The following ANKAR variants were observed in gnomAD, a reference collection of about 807,000 sequenced individuals.
The protein encoded by ANKAR is ankyrin and armadillo repeat-containing protein.
Under a neutral mutation model 146.2 loss-of-function variants are expected in ANKAR, and 136 were observed. The observed-to-expected ratio is 0.93, with a 90% CI of 0.81 to 1.07. The LOEUF is 1.07. ANKAR is among the 50% of genes least tolerant of loss of function. The probability of loss-of-function intolerance (pLI) is 0.00; values close to 1 mark genes in which losing one functional copy is unlikely to be tolerated. For missense variants in ANKAR, 1,567 were observed against 1,679.9 expected (o/e 0.93, Z 1.18); for synonymous variants, 500 against 575.8 (o/e 0.87, Z 1.88).
chr2:189,744,257 A>C (rs2043748656), intron 21 of ANKAR, among the ~76,000 whole-genome samples: 1 of 152,218 alleles, frequency 6.6e-6, no homozygotes, highest in Non-Finnish European at 1.5e-5. Flanking sequence ...TTCTTTGAAA[A>C]GCCGAAAGTC....
At chr2:189,704,670 A>G (rs2105652462) in intron 7 of ANKAR, among the ~76,000 whole-genome samples, 1 of 146,164 alleles carries the variant, frequency 6.8e-6, no homozygotes, top group East Asian at 2.0e-4. Context: ...GAAATAGTTT[A>G]CCATAAGACT....
chr2:189,696,188 G>A lies in ANKAR; in HGVS notation c.1527G>A (p.Gly509=), dbSNP rs752717367. The A allele has an allele frequency of 6.2e-7, 1 of 1,613,990 alleles. No individual in the cohort carries two copies. The highest frequency in any genetic ancestry group is 1.1e-5 in the South Asian group (1 of 91,080). ...PFGMKSAVER[G]LSAVFHTFSR... Reference sequence around the variant, plus strand: ...GTATGAAGTCCGCTGTTGAAAGAGGGTTGTCTGCAGTTTTCCACACATTTA... The same window carrying A: ...GTATGAAGTCCGCTGTTGAAAGAGGATTGTCTGCAGTTTTCCACACATTTA... Residue 509 remains glycine (G), a synonymous_variant, in exon 7 of 23, where the codon GGG becomes GGA. Transcript: ENST00000684021.
At chr2:189,686,088 A>G (rs1201876364) in intron 2 of ANKAR, among the ~76,000 whole-genome samples, 1 of 152,066 alleles carries the variant, frequency 6.6e-6, no homozygotes, top group South Asian at 2.1e-4. Flanking sequence ...GGCTTTTTAG[A>G]CTTCTTTAAA....
chr2:189,732,957 C>T lies in ANKAR; in HGVS notation c.3301-150C>T, dbSNP rs1055544935. 3.9e-5 allele frequency: 28 copies of T among 721,796 alleles called. No homozygotes were observed. In the East Asian group the frequency reaches 5.0e-4, roughly 13 times the overall value. The allele number at this position is 721,796 out of a possible 1,614,324, so 44.7% of individuals were successfully genotyped here. On this transcript the variant is annotated intron_variant, in intron 16 of 22. Coordinates refer to ENST00000684021, the MANE Select transcript of ANKAR (RefSeq NM_001378068.1). ...GAGGGAGTTGTAAGTGCAGTTCTTT[C>T]GCTAGTAAGATAACTGGAATCAATG...
chr2:189,689,444 A>C, intron 2 of ANKAR, 83 bp from the exon 3 acceptor site: 1 of 1,153,278 alleles, frequency 8.7e-7, no homozygotes, highest in Non-Finnish European at 1.2e-6. Context: ...TCATGATAAA[A>C]TCCTGTGTTC....
intron 10 of ANKAR, among the ~76,000 whole-genome samples, chr2:189,714,468 C>T (rs1268704208): frequency 1.3e-5 from 2 of 152,166 alleles, no homozygotes; most frequent in African/African-American, 4.8e-5. Context: ...CACTCAAAAC[C>T]ACACAACTAC....
At chr2:189,745,862 G>T (rs1423796135) in intron 22 of ANKAR, among the ~76,000 whole-genome samples, 1 of 152,136 alleles carries the variant, frequency 6.6e-6, no homozygotes, top group Non-Finnish European at 1.5e-5. Flanking sequence ...AATATCATGG[G>T]TAGAAAAGCA....
intron 12 of ANKAR, among the ~76,000 whole-genome samples, chr2:189,726,341 G>A (rs2041874674): frequency 1.3e-5 from 2 of 152,054 alleles, no homozygotes; most frequent in African/African-American, 2.4e-5. Context: ...TTGAAATGAG[G>A]TTGCTATGTT....
intron 19 of ANKAR, among the ~76,000 whole-genome samples, chr2:189,740,851 G>A (rs182969405): frequency 3.3e-5 from 5 of 151,978 alleles, no homozygotes; most frequent in Non-Finnish European, 7.4e-5. Flanking sequence ...GTACCACCAC[G>A]CCCGGCTAAT....
chr2:189,688,581 A>C (rs2035948448), intron 2 of ANKAR, among the ~76,000 whole-genome samples: 1 of 152,224 alleles, frequency 6.6e-6, no homozygotes, highest in African/African-American at 2.4e-5. Flanking sequence ...CCATTCTGAC[A>C]GGCATTTCGA....
intron 3 of ANKAR, 53 bp downstream of exon 3, chr2:189,690,017 T>C: frequency 6.9e-6 from 9 of 1,295,564 alleles, no homozygotes; most frequent in Non-Finnish European, 9.1e-6. Flanking sequence ...ATTAAATATA[T>C]GTTTAAATGC....
At chr2:189,745,929 G>C (rs2044087589) in intron 22 of ANKAR, among the ~76,000 whole-genome samples, 1 of 152,056 alleles carries the variant, frequency 6.6e-6, no homozygotes, top group Non-Finnish European at 1.5e-5. Flanking sequence ...AGAATAGTCA[G>C]TTCACTCTTC....
intron 7 of ANKAR, among the ~76,000 whole-genome samples, chr2:189,698,455 G>A (rs2037569384): frequency 6.6e-6 from 1 of 152,052 alleles, no homozygotes; most frequent in South Asian, 2.1e-4. Flanking sequence ...AATCTGTGAG[G>A]TCTGAGGAAT....
At chr2:189,729,695 C>CATGTGTGTGTGT (rs1553528976) in intron 15 of ANKAR, among the ~76,000 whole-genome samples, 5 of 94,206 alleles carry the variant, frequency 5.3e-5, no homozygotes, top group African/African-American at 1.5e-4. Context: ...ATCAGCTGTG[C>CATGTGTGTGTGT]GTGTGTGTGT....
At position 189,745,021 on chromosome 2, in the gene ANKAR, C is replaced by CTAA. The variant is rs1249558167; in HGVS notation, c.4057+235_4057+236insATA. On this transcript the variant is annotated intron_variant, in intron 22 of 22. Transcript: ENST00000684021. ...ACTACTACTACTACTACTACTACTA[C>CTAA]TACTACTAATAATACAAAAATTAGC... 3.4e-4 allele frequency among the ~76,000 whole-genome samples: 14 copies of CTAA among 41,142 alleles called. 1 individual carries two copies. The highest frequency in any genetic ancestry group is 6.4e-4 in the African/African-American group (14 of 22,012). 27.0% of individuals were successfully genotyped at this position (41,142 alleles called of 152,430 possible). A position where few individuals can be genotyped will look rare whatever the true frequency, so the allele number is the denominator to read the frequency against.
At chr2:189,761,991 A>C (rs2106110147), downstream of ANKAR, among the ~76,000 whole-genome samples, 1 of 152,344 alleles carries the variant, frequency 6.6e-6, no homozygotes, top group South Asian at 2.1e-4. Context: ...AGCTAAAATT[A>C]AGACAAAATG....
chr2:189,750,472 G>A (rs1487517878), downstream of ANKAR: 1 of 587,592 alleles, frequency 1.7e-6, no homozygotes, highest in Admixed American at 3.6e-5. Flanking sequence ...ATAAAATCTT[G>A]ATGAATAATT....
chr2:189,685,298 T>G (rs1040378429), intron 2 of ANKAR, among the ~76,000 whole-genome samples: 5 of 152,142 alleles, frequency 3.3e-5, no homozygotes, highest in African/African-American at 1.2e-4. Flanking sequence ...TTTCATGATA[T>G]GAACAATCGT....
chr2:189,755,024 T>G, intron 18 of ANKAR: 1 of 871,012 alleles, frequency 1.1e-6, no homozygotes, highest in South Asian at 1.9e-5. Context: ...TACTACTCTT[T>G]CTATTTTTTC....
Sources: allele counts gnomAD v4.1 joint callset (sites outside exome capture counted in the v4.1 genomes callset), GRCh38; gene constraint gnomAD v4.1.1; transcripts MANE v1.5; gene names NCBI Gene and HGNC (gene_info 2026-07-23, HGNC 2026-07-21).